Variants in GRM1 observed in about 807,000 individuals in gnomAD.
The protein encoded by GRM1 is metabotropic glutamate receptor 1.
Under a neutral mutation model 90.9 loss-of-function variants are expected in GRM1, and 33 were observed. That is an observed-to-expected ratio of 0.36 (90% CI 0.28 to 0.49). GRM1 has a LOEUF of 0.49. Among genes scored for constraint, GRM1 ranks in the 20% least tolerant of loss-of-function variants. The probability of loss-of-function intolerance (pLI) is 0.99; values close to 1 mark genes in which losing one functional copy is unlikely to be tolerated. For missense variants in GRM1, 1,190 were observed against 1,534.3 expected (o/e 0.78, Z 3.75); for synonymous variants, 700 against 613.2 (o/e 1.14, Z -2.09).
rs922634794 is a variant in GRM1, at chr6:146,436,720, T to G, written c.*1924T>G. 6.6e-6 allele frequency: 1 copy of G among 152,664 alleles called. No individual in the cohort carries two copies. The highest frequency in any genetic ancestry group is 2.4e-5 in the African/African-American group (1 of 41,474). 9.5% of individuals were successfully genotyped at this position (152,664 alleles called of 1,614,324 possible). ...GGATTTTTCTTGCTGTTTTGATTTCTTCTATTATTTGTGGAATGAATTATA... is the reference window on the plus strand; with the variant it reads ...GGATTTTTCTTGCTGTTTTGATTTCGTCTATTATTTGTGGAATGAATTATA... On this transcript the variant is annotated 3_prime_UTR_variant, in exon 8 of 8. Transcript: ENST00000282753.
At chr6:146,418,094 A>G (rs3804296) in intron 7 of GRM1, among the ~76,000 whole-genome samples, 70,057 of 151,742 alleles carry the variant, frequency 0.46, 16,365 homozygotes, top group South Asian at 0.6. Flanking sequence ...TCTACTGTGG[A>G]GTTCTGAAGT....
intron 2 of GRM1, among the ~76,000 whole-genome samples, chr6:146,293,043 T>G (rs1187352608): frequency 6.6e-6 from 1 of 151,966 alleles, no homozygotes; most frequent in East Asian, 1.9e-4. Context: ...TGTGATTACA[T>G]TTGCATATGA....
At position 146,040,918 on chromosome 6, in the gene GRM1, G is replaced by A. The variant is rs117454638; in HGVS notation, c.700+10701G>A. Among the ~76,000 whole-genome samples, 715 of 151,846 alleles carry A rather than the reference G, an allele frequency of 4.7e-3. 18 individuals carry two copies. In the East Asian group the frequency reaches 0.071, roughly 15 times the overall value. On this transcript the variant is annotated intron_variant, in intron 1 of 7. Coordinates refer to ENST00000282753, the MANE Select transcript of GRM1 (RefSeq NM_001278064.2). The stretch of plus-strand genomic sequence containing the variant: ...TGAGGCTATTTTCTGGATTTCAGAG[G>A]CATTCTTTATTCCTTTTCTTTTTTT...
intron 5 of GRM1, among the ~76,000 whole-genome samples, chr6:146,381,673 C>T (rs892160496): frequency 7.2e-5 from 11 of 152,100 alleles, no homozygotes; most frequent in African/African-American, 2.2e-4. Flanking sequence ...TTCTCTATTC[C>T]GCCATCTTGC....
chr6:146,254,276 ACT>A (rs1211820842), intron 2 of GRM1, among the ~76,000 whole-genome samples: 2 of 151,954 alleles, frequency 1.3e-5, no homozygotes, highest in Non-Finnish European at 2.9e-5. Context: ...CCTGCTTGAG[ACT>A]CAGTCCCAGG....
intron 2 of GRM1, among the ~76,000 whole-genome samples, chr6:146,167,058 C>T (rs141482682): frequency 1.3e-5 from 2 of 152,116 alleles, no homozygotes; most frequent in East Asian, 1.9e-4. Flanking sequence ...CTTGCAGTCT[C>T]TCCTCTGCAA....
At chr6:146,290,956 C>A (rs1243309271) in intron 2 of GRM1, among the ~76,000 whole-genome samples, 1 of 152,028 alleles carries the variant, frequency 6.6e-6, no homozygotes, top group Non-Finnish European at 1.5e-5. Flanking sequence ...CAACAGAGGG[C>A]AGACTGTGGT....
chr6:146,229,197 T>G (rs1780360591), intron 2 of GRM1, among the ~76,000 whole-genome samples: 1 of 151,750 alleles, frequency 6.6e-6, no homozygotes, highest in South Asian at 2.1e-4. Flanking sequence ...TTGGTCAGGC[T>G]GGTATTGAAC....
chr6:146,268,979 C>G (rs1412642912), intron 2 of GRM1, among the ~76,000 whole-genome samples: 3 of 152,106 alleles, frequency 2.0e-5, no homozygotes, highest in African/African-American at 7.2e-5. Flanking sequence ...ACAAAGGCAC[C>G]AAGAACATTG....
chr6:146,376,016 T>C (rs1464335457), intron 5 of GRM1, among the ~76,000 whole-genome samples: 2 of 152,166 alleles, frequency 1.3e-5, no homozygotes, highest in Non-Finnish European at 2.9e-5. Flanking sequence ...AATTTCTTGC[T>C]TTTCTTTTTT....
chr6:146,223,781 G>T (rs747449978), intron 2 of GRM1, among the ~76,000 whole-genome samples: 17 of 152,040 alleles, frequency 1.1e-4, no homozygotes, highest in Admixed American at 1.1e-3. Flanking sequence ...GTTTACATTT[G>T]CAGTCTTCAT....
At chr6:146,262,961 G>C (rs1008854626) in intron 2 of GRM1, among the ~76,000 whole-genome samples, 5 of 151,824 alleles carry the variant, frequency 3.3e-5, no homozygotes, top group Non-Finnish European at 5.9e-5. Context: ...CATCCATATG[G>C]TATTTCTCAT....
At chr6:146,324,642 G>A (rs1784336731) in intron 3 of GRM1, among the ~76,000 whole-genome samples, 1 of 151,920 alleles carries the variant, frequency 6.6e-6, no homozygotes, top group Admixed American at 6.6e-5. Flanking sequence ...ATCCCTCAGG[G>A]TACCATCCCT....
intron 2 of GRM1, among the ~76,000 whole-genome samples, chr6:146,163,893 C>CT (rs1265490526): frequency 6.6e-6 from 1 of 152,016 alleles, no homozygotes; most frequent in African/African-American, 2.4e-5. Context: ...CTCATTTAAC[C>CT]TCTTTTCCAG....
intron 4 of GRM1, among the ~76,000 whole-genome samples, chr6:146,355,531 G>T (rs1165241466): frequency 6.6e-6 from 1 of 152,148 alleles, no homozygotes; most frequent in Non-Finnish European, 1.5e-5. Context: ...TCTTTTAGGG[G>T]ACAACTATTT....
chr6:146,410,914 C>G (rs542021166), intron 7 of GRM1, among the ~76,000 whole-genome samples: 19 of 152,236 alleles, frequency 1.2e-4, no homozygotes, highest in African/African-American at 4.6e-4. Flanking sequence ...ATCACTTTTG[C>G]TAGGATGGTT....
intron 1 of GRM1, among the ~76,000 whole-genome samples, chr6:146,153,653 G>A (rs934732780): frequency 2.6e-5 from 4 of 152,192 alleles, no homozygotes; most frequent in Non-Finnish European, 4.4e-5. Context: ...GGTGCAGGGA[G>A]GGAGAGCATC....
Position 146,159,885 on chromosome 6 carries a change from T to C in GRM1, c.950+288T>C, listed in dbSNP as rs567277997. Reference sequence around the variant, plus strand: ...AGCTATGATTGGTGCCACTGCATTCTAGTCTTGGTGACAGAGTGAGACCTT... The same window carrying C: ...AGCTATGATTGGTGCCACTGCATTCCAGTCTTGGTGACAGAGTGAGACCTT... On this transcript the variant is annotated intron_variant, in intron 2 of 7. Transcript: ENST00000282753. 1.9e-5 allele frequency: 6 copies of C among 323,786 alleles called. No individual in the cohort carries two copies. In the South Asian group the frequency reaches 2.3e-4, roughly 12 times the overall value. 20.1% of individuals were successfully genotyped at this position (323,786 alleles called of 1,614,324 possible).
At chr6:146,223,204 A>G (rs1780130467) in intron 2 of GRM1, among the ~76,000 whole-genome samples, 1 of 152,108 alleles carries the variant, frequency 6.6e-6, no homozygotes. Flanking sequence ...TTCAAAAACA[A>G]GAACTCTTTT....
Sources: allele counts gnomAD v4.1 joint callset (sites outside exome capture counted in the v4.1 genomes callset), GRCh38; gene constraint gnomAD v4.1.1; transcripts MANE v1.5; gene names NCBI Gene and HGNC (gene_info 2026-07-23, HGNC 2026-07-21).